NRXN3: variants seen among roughly 807,000 people sequenced by gnomAD.
NRXN3 encodes neurexin 3, also known as neurexin III.
In NRXN3, 32 loss-of-function variants were observed where a neutral mutation model predicts 137.6. The ratio of observed to expected loss-of-function variants is 0.23; its 90% CI spans 0.18 to 0.31. NRXN3 has a LOEUF of 0.31. Among genes scored for constraint, NRXN3 ranks in the 10% least tolerant of loss-of-function variants. NRXN3 has a pLI of 1.00. For synonymous variants in NRXN3, 798 were observed against 784.5 expected, an observed-to-expected ratio of 1.02 and a Z score of -0.29; for missense variants, 1,574 against 2,062.5, an observed-to-expected ratio of 0.76 and a Z score of 4.59.
At chr14:79,846,965 A>G (rs186283792) in intron 20 of NRXN3, among the ~76,000 whole-genome samples, 142 of 152,292 alleles carry the variant, frequency 9.3e-4, no homozygotes, top group Non-Finnish European at 1.5e-3. Flanking sequence ...ACTTAACCTC[A>G]CAGGGCAGAT....
intron 4 of NRXN3, among the ~76,000 whole-genome samples, chr14:78,589,875 T>C (rs2097100825): frequency 1.3e-5 from 2 of 152,164 alleles, no homozygotes. Flanking sequence ...TTCAAATTGC[T>C]TGAACCCAGG....
intron 16 of NRXN3, among the ~76,000 whole-genome samples, chr14:79,576,723 C>A (rs2097668482): frequency 6.6e-6 from 1 of 152,146 alleles, no homozygotes; most frequent in Admixed American, 6.6e-5. Flanking sequence ...ATTTATTTAT[C>A]TGAGGATTTT....
chr14:79,210,694 G>C (rs1019233399), intron 15 of NRXN3, among the ~76,000 whole-genome samples: 1 of 152,160 alleles, frequency 6.6e-6, no homozygotes, highest in Non-Finnish European at 1.5e-5. Flanking sequence ...AAACGTTCCT[G>C]ACTTCTGCAT....
At chr14:79,788,872 A>G (rs186042977) in intron 19 of NRXN3, among the ~76,000 whole-genome samples, 153 of 152,318 alleles carry the variant, frequency 1.0e-3, no homozygotes, top group Non-Finnish European at 2.0e-3. Context: ...TTGGACCTTA[A>G]AAAAAGGTAT....
intron 1 of NRXN3, among the ~76,000 whole-genome samples, chr14:78,195,281 G>T (rs1250207488): frequency 2.0e-5 from 3 of 152,152 alleles, no homozygotes; most frequent in Non-Finnish European, 4.4e-5. Context: ...ACCCTGGAGG[G>T]TGTTTGTTTG....
At chr14:78,397,602 T>G (rs1023301814) in intron 4 of NRXN3, among the ~76,000 whole-genome samples, 8 of 151,884 alleles carry the variant, frequency 5.3e-5, no homozygotes, top group Non-Finnish European at 7.4e-5. Flanking sequence ...GAAGCACTTT[T>G]TTTGTTTGTT....
rs148222029 is a variant in NRXN3 at position 79,282,436 on chromosome 14, T to C, written c.3263-184785T>C. Among the ~76,000 whole-genome samples, 424 of 152,224 alleles carry C rather than the reference T, an allele frequency of 2.8e-3. 3 individuals carry two copies. The highest frequency in any genetic ancestry group is 9.7e-3 in the African/African-American group (403 of 41,536). On this transcript the variant is annotated intron_variant, in intron 15 of 20. Coordinates refer to ENST00000335750, the MANE Select transcript of NRXN3 (RefSeq NM_001330195.2). ...GGTTGTAAACAGTTACAGCAGATACTAGTAAGTGATGGAATTTGCAGAGCA... is the reference window on the plus strand; with the variant it reads ...GGTTGTAAACAGTTACAGCAGATACCAGTAAGTGATGGAATTTGCAGAGCA...
intron 15 of NRXN3, among the ~76,000 whole-genome samples, chr14:79,008,754 G>A (rs116556686): frequency 0.012 from 1,790 of 151,326 alleles, 25 homozygotes; most frequent in African/African-American, 0.041. Context: ...CACCCCTTGG[G>A]TTAAACTGAT....
intron 19 of NRXN3, among the ~76,000 whole-genome samples, chr14:79,797,903 G>A (rs1486073020): frequency 6.6e-6 from 1 of 151,982 alleles, no homozygotes; most frequent in East Asian, 1.9e-4. Context: ...GACCAGCCTC[G>A]GCAACATGGC....
intron 19 of NRXN3, among the ~76,000 whole-genome samples, chr14:79,797,651 G>A (rs928633713): frequency 5.9e-5 from 9 of 152,136 alleles, no homozygotes; most frequent in Admixed American, 3.3e-4. Context: ...AAGAGTATAG[G>A]TATGACAGTC....
At chr14:79,220,543 A>G (rs1289511665) in intron 15 of NRXN3, among the ~76,000 whole-genome samples, 1 of 152,072 alleles carries the variant, frequency 6.6e-6, no homozygotes, top group Non-Finnish European at 1.5e-5. Context: ...ATAATATCCT[A>G]CAGAATAGTT....
At chr14:79,261,427 G>T (rs561670903) in intron 15 of NRXN3, among the ~76,000 whole-genome samples, 3 of 152,234 alleles carry the variant, frequency 2.0e-5, no homozygotes, top group African/African-American at 7.2e-5. Context: ...TGCAGAAAGG[G>T]CACAGAGAAG....
intron 16 of NRXN3, among the ~76,000 whole-genome samples, chr14:79,536,563 A>G (rs2097213155): frequency 6.6e-6 from 1 of 151,958 alleles, no homozygotes; most frequent in Non-Finnish European, 1.5e-5. Flanking sequence ...CCCATCACCT[A>G]AGTATTAAGC....
At chr14:78,857,028 T>G (rs961700000) in intron 10 of NRXN3, among the ~76,000 whole-genome samples, 5 of 152,188 alleles carry the variant, frequency 3.3e-5, no homozygotes, top group African/African-American at 1.2e-4. Flanking sequence ...ACACCACACC[T>G]GGCCTGTGCT....
At chr14:78,878,608 A>G (rs1198306031) in intron 10 of NRXN3, among the ~76,000 whole-genome samples, 1 of 152,202 alleles carries the variant, frequency 6.6e-6, no homozygotes, top group African/African-American at 2.4e-5. Context: ...AAATATACTT[A>G]TGGTGTACAA....
intron 19 of NRXN3, among the ~76,000 whole-genome samples, chr14:79,800,065 A>T (rs1336963804): frequency 6.6e-6 from 1 of 152,206 alleles, no homozygotes; most frequent in Non-Finnish European, 1.5e-5. Context: ...TAGAGTTTTT[A>T]AAAAATGCTT....
chr14:78,632,422 T>A (rs1401992862), intron 4 of NRXN3, among the ~76,000 whole-genome samples: 2 of 152,000 alleles, frequency 1.3e-5, no homozygotes, highest in African/African-American at 2.4e-5. Flanking sequence ...TTTTTTTTTT[T>A]AAAGAAATGA....
intron 15 of NRXN3, among the ~76,000 whole-genome samples, chr14:79,126,379 G>A (rs1358140249): frequency 3.0e-5 from 4 of 131,990 alleles, no homozygotes; most frequent in African/African-American, 1.2e-4. Context: ...CTGTGTCCAT[G>A]TGTTCTCATT....
At chr14:78,594,444 G>A (rs187521784) in intron 4 of NRXN3, among the ~76,000 whole-genome samples, 11 of 152,270 alleles carry the variant, frequency 7.2e-5, no homozygotes, top group Admixed American at 5.9e-4. Flanking sequence ...AGTGGGGAGG[G>A]CAAAGAAGCT....
Sources: gnomAD v4.1 joint callset for allele counts (sites outside exome capture counted in the v4.1 genomes callset) on GRCh38, gnomAD v4.1.1 for gene constraint, MANE v1.5 for transcripts, NCBI Gene and HGNC (gene_info 2026-07-23, HGNC 2026-07-21) for gene names.